CCDC3: variants seen among roughly 807,000 people sequenced by gnomAD.
The protein encoded by CCDC3 is coiled-coil domain containing 3.
CCDC3 carries 24 observed loss-of-function variants against 21.4 expected under a neutral mutation model. The observed-to-expected ratio is 1.12, with a 90% CI of 0.81 to 1.58. CCDC3 has a LOEUF of 1.58. Ranked by LOEUF, CCDC3 falls within the 40% of genes most tolerant of loss-of-function variation. CCDC3 has a pLI of 0.00. For missense variants in CCDC3, 425 were observed against 360.9 expected, an observed-to-expected ratio of 1.18 and a Z score of -1.44; for synonymous variants, 186 against 166.0, an observed-to-expected ratio of 1.12 and a Z score of -0.93.
intron 3 of CCDC3, among the ~76,000 whole-genome samples, chr10:13,079,833 C>A (rs563458898): frequency 6.6e-6 from 1 of 151,930 alleles, no homozygotes; most frequent in Non-Finnish European, 1.5e-5. Context: ...CTGGCAGAGG[C>A]AGGGAAGAGC....
intron 2 of CCDC3, among the ~76,000 whole-genome samples, chr10:12,962,949 T>G (rs1445174992): frequency 6.6e-6 from 1 of 152,210 alleles, no homozygotes; most frequent in Non-Finnish European, 1.5e-5. Flanking sequence ...ATGTGTGTGT[T>G]TTCATAAAAA....
At chr10:13,006,708 G>A (rs1236575019), upstream of CCDC3, among the ~76,000 whole-genome samples, 1 of 152,160 alleles carries the variant, frequency 6.6e-6, no homozygotes, top group Non-Finnish European at 1.5e-5. Flanking sequence ...GAGGATTTAT[G>A]GTGTGTGCAT....
chr10:12,998,611 C>T (rs1835799535), intron 1 of CCDC3, 99 bp from the exon 2 acceptor site: 2 of 1,043,710 alleles, frequency 1.9e-6, no homozygotes, highest in East Asian at 2.4e-5. Context: ...TTGCCAATTT[C>T]ACATCAATGT....
intron 5 of CCDC3, among the ~76,000 whole-genome samples, chr10:13,034,752 C>G (rs376710487): frequency 6.6e-6 from 1 of 151,674 alleles, no homozygotes; most frequent in Non-Finnish European, 1.5e-5. Context: ...GCGCTGGGTG[C>G]GGTGGCTCAC....
intron 5 of CCDC3, among the ~76,000 whole-genome samples, chr10:13,030,318 C>T (rs1457912140): frequency 2.6e-5 from 4 of 152,136 alleles, no homozygotes; most frequent in African/African-American, 9.7e-5. Context: ...ACCAGGCCTG[C>T]CTTACAAGAG....
chr10:13,086,412 A>T lies in CCDC3; in HGVS notation c.-503+12113T>A, dbSNP rs76455550. Among the ~76,000 whole-genome samples, 742 of 152,334 alleles carry T rather than the reference A, an allele frequency of 4.9e-3. 8 individuals carry two copies. Among genetic ancestry groups the T allele is most frequent in the African/African-American group, 0.016 (668 of 41,570 alleles). ...TTAAGATTTAAGGCAATTGTTTGGA[A>T]TATTTTGGGAGTTATGAATAAAACT... is the stretch of plus-strand genomic sequence containing the variant. On this transcript the variant is annotated intron_variant, in intron 3 of 6. Coordinates refer to the CCDC3 transcript ENST00000378839.
intron 5 of CCDC3, among the ~76,000 whole-genome samples, chr10:13,032,896 C>G (rs187998819): frequency 6.6e-6 from 1 of 152,106 alleles, no homozygotes; most frequent in African/African-American, 2.4e-5. Context: ...GAATCAATAT[C>G]GTGAACATGG....
At chr10:12,898,818 AG>A in intron 2 of CCDC3, 139 bp from the exon 3 acceptor site, 1 of 1,009,714 alleles carries the variant, frequency 9.9e-7, no homozygotes, top group Non-Finnish European at 1.4e-6. Context: ...CATAAACCCC[AG>A]GATGTCCTTG....
intron 2 of CCDC3, among the ~76,000 whole-genome samples, chr10:12,899,946 A>G (rs1469994125): frequency 1.3e-5 from 2 of 152,188 alleles, no homozygotes; most frequent in Non-Finnish European, 2.9e-5. Context: ...GTGTCATGGG[A>G]GGGACCCAGT....
At chr10:12,915,713 C>G (rs998183142) in intron 2 of CCDC3, among the ~76,000 whole-genome samples, 4 of 152,158 alleles carry the variant, frequency 2.6e-5, no homozygotes, top group African/African-American at 7.2e-5. Context: ...GTAGGCTGGC[C>G]TGGTGCCTGG....
chr10:12,917,305 T>C (rs1263821245), intron 2 of CCDC3, among the ~76,000 whole-genome samples: 2 of 145,562 alleles, frequency 1.4e-5, no homozygotes, highest in Non-Finnish European at 3.0e-5. Context: ...GCCATTCTCC[T>C]GCCTCAGCCT....
At chr10:12,938,138 T>C (rs1834768629) in intron 2 of CCDC3, among the ~76,000 whole-genome samples, 1 of 152,200 alleles carries the variant, frequency 6.6e-6, no homozygotes, top group Admixed American at 6.5e-5. Flanking sequence ...CCTTTAGGGT[T>C]GGAAGGAGGG....
intron 2 of CCDC3, among the ~76,000 whole-genome samples, chr10:12,991,067 T>C (rs1835674110): frequency 1.3e-5 from 2 of 152,212 alleles, no homozygotes; most frequent in Non-Finnish European, 2.9e-5. Context: ...CCAAATGATC[T>C]GTTAAACTTG....
chr10:12,930,123 A>G (rs1343892146), intron 2 of CCDC3, among the ~76,000 whole-genome samples: 2 of 152,250 alleles, frequency 1.3e-5, no homozygotes, highest in Non-Finnish European at 2.9e-5. Flanking sequence ...GAAGGTCCCA[A>G]TGTCCTCCAG....
rs191702146 is a variant in CCDC3 at position 12,968,610 on chromosome 10, T to C, written c.549+29728A>G. Among the ~76,000 whole-genome samples, 50 of 152,306 alleles carry C rather than the reference T, an allele frequency of 3.3e-4. No homozygotes were observed. The East Asian group carries it at 8.1e-3, about 25-fold the overall frequency. ...AGTCTAATATTATAATGGTGGTATG[T>C]AAGTAACATTTATCTTTAGTATGAA... On this transcript the variant is annotated intron_variant, in intron 2 of 2. Coordinates refer to ENST00000378825, the MANE Select transcript of CCDC3 (RefSeq NM_031455.4).
At chr10:13,009,150 T>G (rs549327113) in intron 5 of CCDC3, among the ~76,000 whole-genome samples, 3 of 152,170 alleles carry the variant, frequency 2.0e-5, no homozygotes, top group African/African-American at 7.2e-5. Flanking sequence ...TTGACATTTT[T>G]AAAAATAATA....
chr10:12,904,108 T>A (rs753220836), intron 2 of CCDC3, among the ~76,000 whole-genome samples: 1 of 152,204 alleles, frequency 6.6e-6, no homozygotes, highest in East Asian at 1.9e-4. Flanking sequence ...GAGTATTTCA[T>A]GGGAGCTGGA....
intron 2 of CCDC3, among the ~76,000 whole-genome samples, chr10:12,912,944 T>C (rs1834292877): frequency 1.3e-5 from 2 of 152,244 alleles, no homozygotes; most frequent in African/African-American, 4.8e-5. Flanking sequence ...CTTGGCGCTC[T>C]ATTCTGTTCA....
intron 4 of CCDC3, among the ~76,000 whole-genome samples, chr10:13,069,828 C>A (rs894196125): frequency 5.3e-5 from 8 of 152,246 alleles, no homozygotes; most frequent in Middle Eastern, 3.4e-3. Context: ...ACGAAGATAA[C>A]CAAATTTATT....
Sources: gnomAD v4.1 joint callset for allele counts (sites outside exome capture counted in the v4.1 genomes callset) on GRCh38, gnomAD v4.1.1 for gene constraint, MANE v1.5 for transcripts, NCBI Gene and HGNC (gene_info 2026-07-23, HGNC 2026-07-21) for gene names.